The following ERBB4 variants were observed in gnomAD, a reference collection of about 807,000 sequenced individuals.
ERBB4 encodes receptor tyrosine-protein kinase erbB-4.
Under a neutral mutation model 158.0 loss-of-function variants are expected in ERBB4, and 42 were observed. The ratio of observed to expected loss-of-function variants is 0.27; its 90% CI spans 0.21 to 0.34. The LOEUF (loss-of-function observed/expected upper bound fraction) is 0.34, where lower values mean the gene tolerates loss of function less well. Among genes scored for constraint, ERBB4 ranks in the 10% least tolerant of loss-of-function variants. The pLI is 1.00. For missense variants in ERBB4, 1,333 were observed against 1,624.1 expected, an observed-to-expected ratio of 0.82 and a Z score of 3.08; for synonymous variants, 583 against 558.7, an observed-to-expected ratio of 1.04 and a Z score of -0.61.
intron 2 of ERBB4, among the ~76,000 whole-genome samples, chr2:212,078,113 T>C (rs940270726): frequency 6.6e-6 from 1 of 152,058 alleles, no homozygotes; most frequent in African/African-American, 2.4e-5. Context: ...TATTTAATGT[T>C]ACTTATTTGC....
rs2062562027 is a variant in ERBB4, at chr2:211,380,799, G to A, written c.*2816C>T. On this transcript the variant is annotated 3_prime_UTR_variant, in exon 28 of 28. Coordinates refer to ENST00000342788, the MANE Select transcript of ERBB4 (RefSeq NM_005235.3). ...ATTACCCAACATGTAGAAGTCTTGT[G>A]TTCTTAGGAGGAAAGAGACATTCAC... The A allele has an allele frequency of 4.3e-6, 1 of 231,760 alleles. No individual in the cohort carries two copies. Among genetic ancestry groups the A allele is most frequent in the Admixed American group, 5.6e-5 (1 of 17,716 alleles). 14.4% of individuals were successfully genotyped at this position (231,760 alleles called of 1,614,324 possible).
chr2:211,739,433 A>G (rs1365541652), intron 5 of ERBB4, among the ~76,000 whole-genome samples: 1 of 152,108 alleles, frequency 6.6e-6, no homozygotes, highest in African/African-American at 2.4e-5. Flanking sequence ...AAATGATTCC[A>G]CAAGGTTATT....
At chr2:212,228,632 T>C (rs1479372063) in intron 1 of ERBB4, among the ~76,000 whole-genome samples, 2 of 152,118 alleles carry the variant, frequency 1.3e-5, no homozygotes, top group Non-Finnish European at 2.9e-5. Context: ...CTACCATGTA[T>C]GTGAGATGGC....
chr2:211,530,579 C>G (rs779049505), intron 20 of ERBB4, among the ~76,000 whole-genome samples: 2 of 152,098 alleles, frequency 1.3e-5, no homozygotes, highest in African/African-American at 2.4e-5. Flanking sequence ...GAAGGAATCA[C>G]ATTACCTGAC....
At chr2:212,399,585 T>TA (rs1560214662) in intron 1 of ERBB4, among the ~76,000 whole-genome samples, 31 of 121,604 alleles carry the variant, frequency 2.5e-4, no homozygotes, top group Middle Eastern at 8.2e-3. Context: ...TATATATATA[T>TA]TGGGCGTGGT....
intron 20 of ERBB4, among the ~76,000 whole-genome samples, chr2:211,457,209 C>T (rs1051880451): frequency 2.6e-5 from 4 of 152,190 alleles, no homozygotes; most frequent in Middle Eastern, 3.4e-3. Context: ...TTGTGATGCA[C>T]GGCCAATACA....
At chr2:211,975,785 A>G (rs1281751997) in intron 2 of ERBB4, among the ~76,000 whole-genome samples, 1 of 152,178 alleles carries the variant, frequency 6.6e-6, no homozygotes, top group Non-Finnish European at 1.5e-5. Context: ...ATAAATGCCA[A>G]TGAATTTATT....
chr2:212,041,564 A>G (rs375587702), intron 2 of ERBB4, among the ~76,000 whole-genome samples: 2 of 152,010 alleles, frequency 1.3e-5, no homozygotes, highest in African/African-American at 4.8e-5. Flanking sequence ...GAAAAAAGAA[A>G]TAGTAGCAAT....
At chr2:212,464,990 C>T (rs563641495) in intron 1 of ERBB4, among the ~76,000 whole-genome samples, 3 of 150,898 alleles carry the variant, frequency 2.0e-5, no homozygotes, top group South Asian at 2.1e-4. Context: ...TATAATACAA[C>T]GATAGTAAAA....
chr2:211,649,215 G>A (rs1334378788), intron 16 of ERBB4, among the ~76,000 whole-genome samples: 1 of 151,732 alleles, frequency 6.6e-6, no homozygotes, highest in Non-Finnish European at 1.5e-5. Flanking sequence ...GACATTGAGC[G>A]ATTTTTTTGT....
chr2:212,086,808 C>T (rs960904229), intron 2 of ERBB4, among the ~76,000 whole-genome samples: 1 of 151,964 alleles, frequency 6.6e-6, no homozygotes, highest in African/African-American at 2.4e-5. Context: ...AGATCATAGC[C>T]AGAACCATCT....
chr2:211,700,109 T>C (rs910847810), intron 12 of ERBB4, among the ~76,000 whole-genome samples: 10 of 152,114 alleles, frequency 6.6e-5, no homozygotes, highest in Admixed American at 5.2e-4. Flanking sequence ...GTGGTACTAA[T>C]TTTTTTAAGG....
In ERBB4 at chr2:211,969,587, C is replaced by T. The variant is rs374805423; in HGVS notation, c.235-21971G>A. Among the ~76,000 whole-genome samples the T allele has an allele frequency of 5.0e-4, 76 of 152,118 alleles. 1 individual carries two copies. The East Asian group carries it at 0.011, about 22-fold the overall frequency. On this transcript the variant is annotated intron_variant, in intron 2 of 27. Coordinates refer to ENST00000342788, the MANE Select transcript of ERBB4 (RefSeq NM_005235.3). ...ATTGAATACTAAAGCAGTTCTTACCCTATTACCCAGCATGGCTTTAAGGCT... is the reference window on the plus strand; with the variant it reads ...ATTGAATACTAAAGCAGTTCTTACCTTATTACCCAGCATGGCTTTAAGGCT...
At chr2:211,608,558 A>T (rs73078785) in intron 19 of ERBB4, among the ~76,000 whole-genome samples, 1,982 of 152,338 alleles carry the variant, frequency 0.013, 31 homozygotes, top group African/African-American at 0.035. Flanking sequence ...ATATAGATAC[A>T]AAGAATCATT....
intron 1 of ERBB4, among the ~76,000 whole-genome samples, chr2:212,411,277 T>C (rs1398206987): frequency 2.0e-5 from 3 of 152,114 alleles, no homozygotes; most frequent in Non-Finnish European, 4.4e-5. Context: ...CTACAAGCAG[T>C]CCTTAAATGC....
chr2:212,517,542 T>C lies in ERBB4; in HGVS notation c.82+20907A>G, dbSNP rs192134367. ...AATGTGTTGAGTGGTAAGTTCAATG[T>C]AGTAAAAATAGTCAGTTGAAACTCC... is the stretch of plus-strand genomic sequence containing the variant. On this transcript the variant is annotated intron_variant, in intron 1 of 27. Transcript: ENST00000342788. Among the ~76,000 whole-genome samples, 8 of 152,216 alleles carry C rather than the reference T, an allele frequency of 5.3e-5. No individual in the cohort carries two copies. The East Asian group carries it at 9.6e-4, about 18-fold the overall frequency.
chr2:212,299,563 G>T (rs1181537501), intron 1 of ERBB4, among the ~76,000 whole-genome samples: 2 of 151,586 alleles, frequency 1.3e-5, no homozygotes, highest in African/African-American at 4.8e-5. Flanking sequence ...CTTCCCCTGA[G>T]ATTTTCCTTT....
At chr2:212,078,738 TA>T (rs1262694182) in intron 2 of ERBB4, among the ~76,000 whole-genome samples, 1 of 151,764 alleles carries the variant, frequency 6.6e-6, no homozygotes, top group African/African-American at 2.4e-5. Context: ...ATTCTAATTG[TA>T]GTTTTTGTTT....
intron 1 of ERBB4, among the ~76,000 whole-genome samples, chr2:212,183,498 T>C (rs548061241): frequency 5.3e-5 from 8 of 152,126 alleles, no homozygotes; most frequent in African/African-American, 1.9e-4. Context: ...GAGATATCAC[T>C]AAATTAGTGG....
Sources: gnomAD v4.1 joint callset for allele counts (sites outside exome capture counted in the v4.1 genomes callset) on GRCh38, gnomAD v4.1.1 for gene constraint, MANE v1.5 for transcripts, NCBI Gene and HGNC (gene_info 2026-07-23, HGNC 2026-07-21) for gene names.